Variants in MAPK4 observed in about 807,000 individuals in gnomAD.
MAPK4 encodes mitogen-activated protein kinase 4, also known as Erk3-related.
Under a neutral mutation model 47.7 loss-of-function variants are expected in MAPK4, and 22 were observed. The ratio of observed to expected loss-of-function variants is 0.46; its 90% CI spans 0.33 to 0.66. MAPK4 has a LOEUF of 0.66. Ranked by LOEUF, MAPK4 falls within the 30% of genes least tolerant of loss-of-function variation. MAPK4 has a pLI of 0.02. For missense variants in MAPK4, 736 were observed against 831.7 expected, an observed-to-expected ratio of 0.88 and a Z score of 1.42; for synonymous variants, 390 against 365.7, an observed-to-expected ratio of 1.07 and a Z score of -0.76.
intron 2 of MAPK4, among the ~76,000 whole-genome samples, chr18:50,699,488 T>C (rs1463027412): frequency 6.6e-6 from 1 of 152,238 alleles, no homozygotes; most frequent in African/African-American, 2.4e-5. Flanking sequence ...GCAATATTGC[T>C]AAATATAAGA....
intron 2 of MAPK4, chr18:50,705,916 C>G (rs1204161236): frequency 6.6e-6 from 1 of 152,188 alleles, no homozygotes; most frequent in Non-Finnish European, 1.5e-5. Flanking sequence ...TCTTTCCATC[C>G]AAAGTGTGCA....
intron 1 of MAPK4, among the ~76,000 whole-genome samples, chr18:50,649,084 A>G (rs979718443): frequency 1.3e-5 from 2 of 152,186 alleles, no homozygotes; most frequent in African/African-American, 4.8e-5. Flanking sequence ...GCCTTATAAA[A>G]CTAAACCTAG....
intron 3 of MAPK4, 131 bp from the exon 4 acceptor site, chr18:50,721,807 C>T: frequency 2.5e-6 from 2 of 798,618 alleles, no homozygotes; most frequent in Non-Finnish European, 3.9e-6. Context: ...AAGACCAGAA[C>T]CCCGGTCCCA....
At position 50,606,324 on chromosome 18, in the gene MAPK4, TGGGATTTTGTCTTTAATACACTA is replaced by T. The variant is rs373793552; in HGVS notation, c.-871+46106_-871+46128del. 1.0e-3 allele frequency among the ~76,000 whole-genome samples: 155 copies of T among 151,832 alleles called. 1 individual carries two copies. Among genetic ancestry groups the T allele is most frequent in the African/African-American group, 3.5e-3 (145 of 41,262 alleles). ...GGTCTTAAGTGTCAAGCAGAGGAGT[TGGGATTTTGTCTTTAATACACTA>T]GGGATTTTGTCTTTAATACACTAGT... is the stretch of plus-strand genomic sequence containing the variant. On this transcript the variant is annotated intron_variant, in intron 1 of 5. Coordinates refer to ENST00000400384, the MANE Select transcript of MAPK4 (RefSeq NM_002747.4).
chr18:50,584,898 C>T (rs192482725), intron 1 of MAPK4, among the ~76,000 whole-genome samples: 2 of 152,268 alleles, frequency 1.3e-5, no homozygotes, highest in Admixed American at 1.3e-4. Flanking sequence ...ATATCAGTAG[C>T]GTTAACTCCG....
chr18:50,601,574 C>T (rs538371047), intron 1 of MAPK4, among the ~76,000 whole-genome samples: 2 of 152,228 alleles, frequency 1.3e-5, no homozygotes, highest in East Asian at 3.9e-4. Flanking sequence ...GGTGGTTGTC[C>T]ACTGAGCTGT....
In MAPK4 at chr18:50,729,616, C is replaced by A. The variant is rs989851014; in HGVS notation, c.1526C>A (p.Pro509Gln). The A allele has an allele frequency of 5.9e-5, 81 of 1,377,650 alleles. No homozygotes were observed. The highest frequency in any genetic ancestry group is 7.5e-5 in the Non-Finnish European group (80 of 1,068,314). 85.3% of individuals were successfully genotyped at this position (1,377,650 alleles called of 1,614,324 possible). ...STQGGPEHAS[P>Q]PADDPERRLS... Reference sequence around the variant, plus strand: ...CAGGGCGGCCCAGAGCACGCCAGCCCGCCCGCCGACGACCCCGAGCGCCGC... The same window carrying A: ...CAGGGCGGCCCAGAGCACGCCAGCCAGCCCGCCGACGACCCCGAGCGCCGC... Residue 509 changes from proline to glutamine, a missense_variant, in exon 6 of 6, where the codon CCG becomes CAG. Transcript: ENST00000400384.
Position 50,718,073 on chromosome 18 carries a change from C to A in MAPK4, c.691+2850C>A, listed in dbSNP as rs560635967. Among the ~76,000 whole-genome samples, 12 of 152,258 alleles carry A rather than the reference C, an allele frequency of 7.9e-5. No homozygotes were observed. The East Asian group carries it at 2.3e-3, about 29-fold the overall frequency. ...AGCCCTAGAAGGGGCCCAGGACAGC[C>A]CACCTCTTTTTTAACAGGTGATTTG... On this transcript the variant is annotated intron_variant, in intron 3 of 5. Transcript: ENST00000400384.
intron 2 of MAPK4, among the ~76,000 whole-genome samples, chr18:50,677,884 G>A (rs751656132): frequency 1.3e-5 from 2 of 152,148 alleles, no homozygotes; most frequent in Non-Finnish European, 2.9e-5. Flanking sequence ...CCCACCCAGA[G>A]TGGCTGCTCT....
intron 1 of MAPK4, among the ~76,000 whole-genome samples, chr18:50,651,382 G>T (rs887950307): frequency 1.3e-5 from 2 of 152,178 alleles, no homozygotes; most frequent in Non-Finnish European, 2.9e-5. Flanking sequence ...CCTCCCACGG[G>T]CCCTGACCAT....
intron 1 of MAPK4, among the ~76,000 whole-genome samples, chr18:50,621,030 G>A (rs1007896849): frequency 6.6e-6 from 1 of 152,066 alleles, no homozygotes. Context: ...TAACTTTATC[G>A]ATCATTTGCT....
intron 1 of MAPK4, among the ~76,000 whole-genome samples, chr18:50,656,272 C>T (rs965304770): frequency 2.0e-5 from 3 of 152,198 alleles, no homozygotes; most frequent in African/African-American, 7.2e-5. Flanking sequence ...TAGTTGGTGC[C>T]TCTGACTCGA....
intron 1 of MAPK4, among the ~76,000 whole-genome samples, chr18:50,592,999 G>A (rs190511900): frequency 2.0e-5 from 3 of 152,086 alleles, no homozygotes; most frequent in Non-Finnish European, 2.9e-5. Context: ...TAAGTCATTC[G>A]TCCCACACTA....
At chr18:50,722,418 G>A (rs904087508) in intron 4 of MAPK4, among the ~76,000 whole-genome samples, 1 of 152,172 alleles carries the variant, frequency 6.6e-6, no homozygotes, top group Non-Finnish European at 1.5e-5. Context: ...GGCTTGGTGT[G>A]CTGCAAAGAA....
At chr18:50,668,600 T>C (rs1049405743) in intron 2 of MAPK4, among the ~76,000 whole-genome samples, 1 of 152,172 alleles carries the variant, frequency 6.6e-6, no homozygotes, top group African/African-American at 2.4e-5. Flanking sequence ...GGAGATGGTG[T>C]GGGTGGCAAT....
chr18:50,724,328 T>C (rs1046218334), intron 4 of MAPK4, among the ~76,000 whole-genome samples: 14 of 152,194 alleles, frequency 9.2e-5, no homozygotes, highest in Non-Finnish European at 1.6e-4. Context: ...GGATTACAGA[T>C]ATGAGCCACT....
intron 1 of MAPK4, among the ~76,000 whole-genome samples, chr18:50,627,273 T>C (rs536011565): frequency 1.3e-5 from 2 of 152,208 alleles, no homozygotes; most frequent in African/African-American, 4.8e-5. Context: ...CATGGCCTCA[T>C]TGGAGGTGGG....
chr18:50,710,688 G>A (rs112038672), intron 2 of MAPK4, among the ~76,000 whole-genome samples: 31,997 of 151,780 alleles, frequency 0.21, 4,191 homozygotes, highest in East Asian at 0.37. Context: ...GCTGAGGCAG[G>A]AGAATGGCGT....
At chr18:50,695,430 C>T (rs1355806901) in intron 2 of MAPK4, among the ~76,000 whole-genome samples, 1 of 151,722 alleles carries the variant, frequency 6.6e-6, no homozygotes, top group South Asian at 2.1e-4. Context: ...CGAGTGATAC[C>T]GACTGGGTCT....
Sources: gnomAD v4.1 joint callset for allele counts (sites outside exome capture counted in the v4.1 genomes callset) on GRCh38, gnomAD v4.1.1 for gene constraint, MANE v1.5 for transcripts, NCBI Gene and HGNC (gene_info 2026-07-23, HGNC 2026-07-21) for gene names.